KIFC2: variants seen among roughly 807,000 people sequenced by gnomAD.
KIFC2 encodes kinesin-like protein KIFC2.
KIFC2 carries 94 observed loss-of-function variants against 91.5 expected under a neutral mutation model. The observed-to-expected ratio is 1.03, with a 90% CI of 0.87 to 1.22. The LOEUF is 1.22. Ranked by LOEUF, KIFC2 falls within the 50% of genes most tolerant of loss-of-function variation. The pLI, the probability that KIFC2 is intolerant of heterozygous loss-of-function variation, is 0.00. For synonymous variants in KIFC2, 729 were observed against 503.9 expected (o/e 1.45, Z -5.98); for missense variants, 1,357 against 1,103.3 (o/e 1.23, Z -3.26).
chr8:144,469,816 C>G (rs1363782281), intron 12 of KIFC2, among the ~76,000 whole-genome samples, 169 bp downstream of exon 12: 1 of 152,246 alleles, frequency 6.6e-6, no homozygotes, highest in Non-Finnish European at 1.5e-5. Flanking sequence ...GCAGGGCAGG[C>G]AGCCCAGCTT....
chr8:144,472,858 C>G lies in KIFC2; in HGVS notation c.1925C>G (p.Pro642Arg). 1 of 1,544,078 alleles carries G rather than the reference C, an allele frequency of 6.5e-7. No individual in the cohort carries two copies. Among genetic ancestry groups the G allele is most frequent in the Non-Finnish European group, 8.6e-7 (1 of 1,158,312 alleles). Residue 642 changes from proline (P) to arginine (R), a missense_variant, in exon 17 of 18, where the codon CCG becomes CGG. Coordinates refer to ENST00000645548, the MANE Select transcript of KIFC2 (RefSeq NM_001369769.2). ...GCACGGAAGGCAGGGGCGGCCGGCC[C>G]GCCGCGGGGAGACCCAGACGGCGCC... Reference protein sequence around the residue: ...ERARKAGAAGPPRGDPDGARR... With the variant: ...ERARKAGAAGRPRGDPDGARR...
chr8:144,466,606 G>GA, intron 1 of KIFC2, 88 bp downstream of exon 1: 1 of 865,584 alleles, frequency 1.2e-6, no homozygotes, highest in Non-Finnish European at 1.5e-6. Flanking sequence ...CGGGCACGGG[G>GA]CGCGGGGCGA....
intron 15 of KIFC2, 26 bp downstream of exon 15, chr8:144,472,510 C>T: frequency 3.1e-6 from 5 of 1,611,416 alleles, no homozygotes; most frequent in South Asian, 1.1e-5. Flanking sequence ...TCTCCGAGAC[C>T]CCGCCCCGTG....
At chr8:144,470,343 C>T (rs1032442077) in intron 12 of KIFC2, among the ~76,000 whole-genome samples, 18 of 152,242 alleles carry the variant, frequency 1.2e-4, no homozygotes, top group African/African-American at 3.6e-4. Context: ...TGCAGCACTG[C>T]GCAGGGCATG....
chr8:144,473,368 C>G lies in KIFC2; in HGVS notation c.2355C>G (p.Pro785=). The G allele has an allele frequency of 1.3e-6, 2 of 1,578,396 alleles. No homozygotes were observed. Among genetic ancestry groups the G allele is most frequent in the East Asian group, 2.3e-5 (1 of 42,736 alleles). ...PDNGSGSALA[P]AEGLPL is the part of the protein sequence containing the mutation. ...ACGGCTCGGGCTCGGCTCTCGCGCC[C>G]GCAGAGGGCCTGCCCCTCTAGTCCT... Residue 785 remains proline, a synonymous_variant, in exon 18 of 18, where the codon CCC becomes CCG. Transcript: ENST00000645548.
intron 16 of KIFC2, 35 bp from the exon 17 acceptor site, chr8:144,472,760 G>A (rs1336149018): frequency 6.3e-7 from 1 of 1,591,332 alleles, no homozygotes; most frequent in East Asian, 2.3e-5. Context: ...CCGAGGCCCG[G>A]CCTTCCCCCA....
intron 4 of KIFC2, 22 bp from the exon 5 acceptor site, chr8:144,467,463 A>T: frequency 6.5e-7 from 1 of 1,549,724 alleles, no homozygotes; most frequent in Non-Finnish European, 8.7e-7. Context: ...CTTCAGTGCT[A>T]ACTGGGCCCA....
chr8:144,470,222 GGA>G (rs1314582132), intron 12 of KIFC2, among the ~76,000 whole-genome samples: 1 of 151,978 alleles, frequency 6.6e-6, no homozygotes, highest in Non-Finnish European at 1.5e-5. Context: ...AGCCTCACAG[GGA>G]CAGGGGGACG....
Position 144,469,360 on chromosome 8 carries a change from G to A in KIFC2, c.1203G>A (p.Gly401=). Residue 401 remains glycine (G), a synonymous_variant, in exon 11 of 18, where the codon GGG becomes GGA. Coordinates refer to ENST00000645548, the MANE Select transcript of KIFC2 (RefSeq NM_001369769.2). ...AAGGGCCCCCAGCCGGATGCCCAGG[G>A]CGGCTGCCAGAACTCAAGGGTATGA... is the stretch of plus-strand genomic sequence containing the variant. ...GQQGPPAGCP[G]RLPELKGNIR... 1.2e-6 allele frequency: 2 copies of A among 1,610,460 alleles called. No individual in the cohort carries two copies. Among genetic ancestry groups the A allele is most frequent in the Non-Finnish European group, 1.7e-6 (2 of 1,179,032 alleles).
chr8:144,468,242 C>T (rs560797513), intron 7 of KIFC2, 87 bp from the exon 8 acceptor site: 3 of 1,259,242 alleles, frequency 2.4e-6, no homozygotes, highest in African/African-American at 2.9e-5. Context: ...CCAGCTCTGC[C>T]CACCTCTTGA....
Position 144,467,971 on chromosome 8 carries a change from C to T in KIFC2, c.794C>T (p.Pro265Leu). The T allele has an allele frequency of 6.3e-7, 1 of 1,576,596 alleles. No individual in the cohort carries two copies. The highest frequency in any genetic ancestry group is 8.6e-7 in the Non-Finnish European group (1 of 1,166,898). Reference sequence around the variant, plus strand: ...CTGCTGCACTGGGGCCCCGGGCCCCCCATCAGGGCTCCGCAGGTACTCTGC... The same window carrying T: ...CTGCTGCACTGGGGCCCCGGGCCCCTCATCAGGGCTCCGCAGGTACTCTGC... ...DLLLHWGPGPPIRAPQEEAEA... is the reference protein window; with the variant it reads ...DLLLHWGPGPLIRAPQEEAEA... Residue 265 changes from proline to leucine, a missense_variant, in exon 7 of 18, where the codon CCC becomes CTC. Pro to Leu is a moderately conservative substitution (Grantham distance 98). Transcript: ENST00000645548.
chr8:144,467,985 C>G lies in KIFC2; in HGVS notation c.808C>G (p.Gln270Glu). The G allele has an allele frequency of 2.6e-6, 4 of 1,552,484 alleles. No individual in the cohort carries two copies. Among genetic ancestry groups the G allele is most frequent in the Non-Finnish European group, 3.5e-6 (4 of 1,156,234 alleles). Reference protein sequence around the residue: ...WGPGPPIRAPQEEAEALLELQ... With the variant: ...WGPGPPIRAPEEEAEALLELQ... ...CCCCGGGCCCCCCATCAGGGCTCCG[C>G]AGGTACTCTGCTCCCGAGCTGCAGC... Residue 270 changes from glutamine to glutamate, a missense_variant and splice_region_variant, in exon 7 of 18, where the codon CAG (glutamine) becomes GAG (glutamate). Physicochemically the swap from Gln to Glu is conservative, Grantham distance 29. Coordinates refer to ENST00000645548, the MANE Select transcript of KIFC2 (RefSeq NM_001369769.2).
Position 144,472,451 on chromosome 8 carries a change from C to A in KIFC2, c.1698C>A (p.His566Gln). ...GGATCCAGGTGGCTGGCCTCACCCA[C>A]TGGGACGTGCCCAACCTGGAGACAT... ...QGGIQVAGLT[H>Q]WDVPNLETLH... Residue 566 changes from histidine to glutamine, a missense_variant, in exon 15 of 18, where the codon CAC becomes CAA. His to Gln is a conservative substitution (Grantham distance 24). Transcript: ENST00000645548. 1.2e-6 allele frequency: 2 copies of A among 1,612,398 alleles called. No individual in the cohort carries two copies. Among genetic ancestry groups the A allele is most frequent in the Non-Finnish European group, 8.5e-7 (1 of 1,179,672 alleles).
Position 144,472,832 on chromosome 8 carries a change from C to G in KIFC2, c.1899C>G (p.Arg633=), listed in dbSNP as rs1200731017. 1 of 1,573,430 alleles carries G rather than the reference C, an allele frequency of 6.4e-7. No individual in the cohort carries two copies. ...LHLVDLAGSE[R]ARKAGAAGPP... ...TGGTGGACCTGGCGGGATCCGAACG[C>G]GCACGGAAGGCAGGGGCGGCCGGCC... Residue 633 remains arginine (R), a synonymous_variant, in exon 17 of 18, where the codon CGC becomes CGG. Coordinates refer to ENST00000645548, the MANE Select transcript of KIFC2 (RefSeq NM_001369769.2).
chr8:144,468,796 C>G lies in KIFC2; in HGVS notation c.1075C>G (p.Gln359Glu). Residue 359 changes from glutamine (Q) to glutamate (E), a missense_variant, in exon 10 of 18, where the codon CAG becomes GAG. By Grantham distance (29) the Gln-to-Glu change is conservative (BLOSUM62 2). Transcript: ENST00000645548. ...DLRGLVSTFTQSCQGSLSEAR... is the reference protein window; with the variant it reads ...DLRGLVSTFTESCQGSLSEAR... ...CCGAGGTTTGGTCAGCACCTTTACC[C>G]AGAGCTGTCAGGGTTCGCTGAGTGA... 1 of 1,614,052 alleles carries G rather than the reference C, an allele frequency of 6.2e-7. No homozygotes were observed. Among genetic ancestry groups the G allele is most frequent in the East Asian group, 2.2e-5 (1 of 44,886 alleles).
Position 144,467,274 on chromosome 8 carries a change from C to G in KIFC2, c.402C>G (p.Pro134=). 6.2e-7 allele frequency: 1 copy of G among 1,613,394 alleles called. No homozygotes were observed. Among genetic ancestry groups the G allele is most frequent in the Non-Finnish European group, 8.5e-7 (1 of 1,179,978 alleles). Reference sequence around the variant, plus strand: ...CCCTTCTGGCATGGCTTCGAAGCCCCAGGGGGAGGCAGGCCCTGCTCCAGG... The same window carrying G: ...CCCTTCTGGCATGGCTTCGAAGCCCGAGGGGGAGGCAGGCCCTGCTCCAGG... ...LLALLAWLRS[P]RGRQALLQGT... The change falls in exon 4 of 18, where the codon CCC becomes CCG. Residue 134 remains proline (P), a synonymous_variant. Transcript: ENST00000645548.
intron 2 of KIFC2, 22 bp from the exon 3 acceptor site, chr8:144,466,937 C>T (rs767316443): frequency 1.3e-6 from 2 of 1,582,880 alleles, no homozygotes; most frequent in African/African-American, 1.3e-5. Context: ...AAATGTCTCC[C>T]GCCCTCCTCC....
intron 13 of KIFC2, 27 bp downstream of exon 13, chr8:144,472,073 G>A (rs1170553973): frequency 6.2e-7 from 1 of 1,613,278 alleles, no homozygotes; most frequent in East Asian, 2.2e-5. Context: ...GCCCCAGTGG[G>A]AGAGGCCCCA....
intron 2 of KIFC2, 36 bp downstream of exon 2, chr8:144,466,874 G>A (rs1824668229): frequency 1.3e-6 from 2 of 1,536,904 alleles, no homozygotes; most frequent in South Asian, 1.2e-5. Flanking sequence ...GTGCGAGGGC[G>A]GTGCCGGGAC....
Sources: gnomAD v4.1 joint callset for allele counts (sites outside exome capture counted in the v4.1 genomes callset) on GRCh38, gnomAD v4.1.1 for gene constraint, MANE v1.5 for transcripts, NCBI Gene and HGNC (gene_info 2026-07-23, HGNC 2026-07-21) for gene names.